Variants in CNTNAP2 observed in about 807,000 individuals in gnomAD.
CNTNAP2 encodes the protein contactin-associated protein-like 2.
In CNTNAP2, 98 loss-of-function variants were observed where a neutral mutation model predicts 155.2. That is an observed-to-expected ratio of 0.63 (90% CI 0.54 to 0.75). The LOEUF is 0.75. Among genes scored for constraint, CNTNAP2 ranks in the 30% least tolerant of loss-of-function variants. The pLI, the probability that CNTNAP2 is intolerant of heterozygous loss-of-function variation, is 0.00. For missense variants in CNTNAP2, 1,727 were observed against 1,688.1 expected, an observed-to-expected ratio of 1.02 and a Z score of -0.40; for synonymous variants, 651 against 631.2, an observed-to-expected ratio of 1.03 and a Z score of -0.47.
chr7:147,534,639 T>C (rs1334299126), intron 11 of CNTNAP2, among the ~76,000 whole-genome samples: 1 of 152,190 alleles, frequency 6.6e-6, no homozygotes, highest in African/African-American at 2.4e-5. Flanking sequence ...AATAAATCTT[T>C]ATTTCAAAGA....
At chr7:147,477,548 A>C (rs897813218) in intron 10 of CNTNAP2, among the ~76,000 whole-genome samples, 1 of 152,164 alleles carries the variant, frequency 6.6e-6, no homozygotes, top group African/African-American at 2.4e-5. Flanking sequence ...TTACTACCTT[A>C]ATATTTTAAA....
At chr7:147,979,365 T>C (rs1202027168) in intron 15 of CNTNAP2, among the ~76,000 whole-genome samples, 1 of 152,210 alleles carries the variant, frequency 6.6e-6, no homozygotes, top group Admixed American at 6.5e-5. Context: ...TATATGCATT[T>C]TAAACAAATA....
chr7:147,154,832 G>A (rs1254812695), intron 8 of CNTNAP2, among the ~76,000 whole-genome samples: 2 of 151,494 alleles, frequency 1.3e-5, no homozygotes, highest in Non-Finnish European at 2.9e-5. Context: ...CTCTGATATA[G>A]TTTCTGATAG....
chr7:146,165,896 AC>A (rs1383036184), intron 1 of CNTNAP2, among the ~76,000 whole-genome samples: 1 of 152,094 alleles, frequency 6.6e-6, no homozygotes, highest in East Asian at 1.9e-4. Flanking sequence ...TGGTATATCA[AC>A]CCTTCTTTTC....
At chr7:147,354,407 G>T (rs921922374) in intron 9 of CNTNAP2, among the ~76,000 whole-genome samples, 4 of 152,074 alleles carry the variant, frequency 2.6e-5, no homozygotes, top group Admixed American at 2.0e-4. Context: ...TTTCCCCATT[G>T]CTTGTTTTTG....
intron 21 of CNTNAP2, among the ~76,000 whole-genome samples, chr7:148,272,828 C>G (rs1232316641): frequency 1.3e-5 from 2 of 152,130 alleles, no homozygotes; most frequent in African/African-American, 4.8e-5. Context: ...TATTAGTCAT[C>G]TGAGGAGAAA....
At chr7:146,358,187 A>C (rs886916541) in intron 1 of CNTNAP2, among the ~76,000 whole-genome samples, 5 of 152,012 alleles carry the variant, frequency 3.3e-5, no homozygotes, top group Admixed American at 2.0e-4. Context: ...GGTGCCCGCC[A>C]CCATGCCCGG....
intron 1 of CNTNAP2, among the ~76,000 whole-genome samples, chr7:146,577,005 A>T (rs1798535218): frequency 6.6e-6 from 1 of 152,154 alleles, no homozygotes; most frequent in African/African-American, 2.4e-5. Context: ...AATATTACCT[A>T]TTATTTGATA....
chr7:147,610,513 C>T (rs1414761894), intron 12 of CNTNAP2, among the ~76,000 whole-genome samples: 3 of 152,110 alleles, frequency 2.0e-5, no homozygotes, highest in Non-Finnish European at 2.9e-5. Context: ...GCCACAGTGG[C>T]ACATTTTGGG....
intron 1 of CNTNAP2, among the ~76,000 whole-genome samples, chr7:146,738,442 G>A (rs1563210980): frequency 1.3e-5 from 2 of 151,922 alleles, no homozygotes; most frequent in Non-Finnish European, 2.9e-5. Context: ...TTTGCAAATA[G>A]TGTCTTCCAT....
chr7:147,526,224 G>A (rs1035604167), intron 11 of CNTNAP2, among the ~76,000 whole-genome samples: 2 of 150,224 alleles, frequency 1.3e-5, no homozygotes, highest in Admixed American at 6.6e-5. Context: ...AGAAAATATT[G>A]TTGTGGAAAA....
At chr7:147,558,697 TTTCCTTCC>T (rs151097268) in intron 11 of CNTNAP2, among the ~76,000 whole-genome samples, 27,664 of 148,644 alleles carry the variant, frequency 0.19, 2,801 homozygotes, top group Admixed American at 0.28. Context: ...TCGTTCGTTC[TTTCCTTCC>T]TTCCTTCCTT....
rs189869819 is a variant in CNTNAP2 at position 148,088,825 on chromosome 7, C to G, written c.2384-29293C>G. Among the ~76,000 whole-genome samples, 4 of 151,944 alleles carry G rather than the reference C, an allele frequency of 2.6e-5. No homozygotes were observed. The East Asian group carries it at 5.8e-4, about 22-fold the overall frequency. On this transcript the variant is annotated intron_variant, in intron 15 of 23. Transcript: ENST00000361727. ...ACTCATTTTACCAGGCCAGCATTAC[C>G]CTGATAACAAAGCCAGAAAAAGCAC... is the stretch of plus-strand genomic sequence containing the variant.
At chr7:147,427,817 C>T (rs1797404550) in intron 10 of CNTNAP2, among the ~76,000 whole-genome samples, 1 of 152,096 alleles carries the variant, frequency 6.6e-6, no homozygotes, top group Non-Finnish European at 1.5e-5. Flanking sequence ...TTTTTTGGGA[C>T]TTCAAAAGAG....
intron 21 of CNTNAP2, among the ~76,000 whole-genome samples, chr7:148,382,806 C>T (rs1215152988): frequency 1.3e-5 from 2 of 152,212 alleles, no homozygotes; most frequent in African/African-American, 4.8e-5. Context: ...GTCCGCCTGG[C>T]CCACTAGCTA....
intron 13 of CNTNAP2, among the ~76,000 whole-genome samples, chr7:147,720,223 G>T (rs1796544102): frequency 6.6e-6 from 1 of 152,110 alleles, no homozygotes; most frequent in African/African-American, 2.4e-5. Flanking sequence ...AGAGGAAAAA[G>T]AGCATTTATG....
chr7:147,515,218 C>T (rs983430362), intron 11 of CNTNAP2, among the ~76,000 whole-genome samples: 1 of 152,102 alleles, frequency 6.6e-6, no homozygotes, highest in Non-Finnish European at 1.5e-5. Flanking sequence ...ATGTCATCTT[C>T]TCTTGAAGAC....
chr7:146,251,343 TTAA>T (rs747090127), intron 1 of CNTNAP2, among the ~76,000 whole-genome samples: 1 of 152,200 alleles, frequency 6.6e-6, no homozygotes, highest in Non-Finnish European at 1.5e-5. Flanking sequence ...GATACCAAAT[TTAA>T]TAATGTCACC....
intron 13 of CNTNAP2, among the ~76,000 whole-genome samples, chr7:147,884,652 A>G (rs1444711524): frequency 6.6e-6 from 1 of 152,224 alleles, no homozygotes; most frequent in African/African-American, 2.4e-5. Context: ...CAGGAAAAAA[A>G]GAATAAGGGC....
Sources: gnomAD v4.1 joint callset for allele counts (sites outside exome capture counted in the v4.1 genomes callset) on GRCh38, gnomAD v4.1.1 for gene constraint, MANE v1.5 for transcripts, NCBI Gene and HGNC (gene_info 2026-07-23, HGNC 2026-07-21) for gene names.